Variants in CHL1 observed in about 807,000 individuals in gnomAD.
CHL1 encodes the protein cell adhesion molecule L1 like.
Under a neutral mutation model 141.9 loss-of-function variants are expected in CHL1, and 96 were observed. The observed-to-expected ratio is 0.68, with a 90% CI of 0.57 to 0.80. CHL1 has a LOEUF of 0.80. CHL1 is among the 30% of genes least tolerant of loss of function. The pLI is 0.00. For synonymous variants in CHL1, 613 were observed against 502.2 expected (o/e 1.22, Z -2.95); for missense variants, 1,820 against 1,457.2 (o/e 1.25, Z -4.05).
At chr3:355,650 G>C (rs34177368) in intron 11 of CHL1, among the ~76,000 whole-genome samples, 46,988 of 152,104 alleles carry the variant, frequency 0.31, 8,373 homozygotes, top group South Asian at 0.45. Flanking sequence ...AACAGACCTC[G>C]GGTCCCGTCT....
rs1006928771 is a variant in CHL1, at chr3:405,380, T to C, written c.3459-115T>C. On this transcript the variant is annotated intron_variant, in intron 27 of 27. Transcript: ENST00000256509. ...TGTGGGCTTTACTATCTGTCTTCAA[T>C]GCTAACACAAATGTCCTGAAAATTA... The C allele has an allele frequency of 2.0e-5, 14 of 686,444 alleles. No homozygotes were observed. The African/African-American group carries it at 2.5e-4, about 12-fold the overall frequency. 42.5% of individuals were successfully genotyped at this position (686,444 alleles called of 1,614,324 possible).
intron 2 of CHL1, among the ~76,000 whole-genome samples, chr3:269,562 G>A (rs1028942967): frequency 6.6e-6 from 1 of 152,080 alleles, no homozygotes; most frequent in Non-Finnish European, 1.5e-5. Flanking sequence ...TTCTGCTCTT[G>A]TGGCCCAGGC....
intron 1 of CHL1, among the ~76,000 whole-genome samples, chr3:216,075 AC>A (rs2124939975): frequency 6.6e-6 from 1 of 152,324 alleles, no homozygotes; most frequent in African/African-American, 2.4e-5. Context: ...TGTGATACAA[AC>A]CTGGCTGCCA....
chr3:333,078 A>G (rs901267854), intron 5 of CHL1, among the ~76,000 whole-genome samples: 14 of 145,540 alleles, frequency 9.6e-5, no homozygotes. Flanking sequence ...GTATTGTATT[A>G]AGAGCTGGGA....
intron 2 of CHL1, among the ~76,000 whole-genome samples, chr3:318,165 G>A (rs960976782): frequency 5.3e-5 from 8 of 151,768 alleles, no homozygotes; most frequent in African/African-American, 1.9e-4. Flanking sequence ...CAGTGTTGCT[G>A]TTCCTTAAGA....
At chr3:236,444 T>C (rs1275605217) in intron 1 of CHL1, among the ~76,000 whole-genome samples, 2 of 152,168 alleles carry the variant, frequency 1.3e-5, no homozygotes. Context: ...TGTGTCTTGG[T>C]TCTCCATGAT....
At chr3:340,742 TATAGTC>T (rs1702284896) in intron 5 of CHL1, 46 bp from the exon 6 acceptor site, 3 of 1,411,802 alleles carry the variant, frequency 2.1e-6, no homozygotes, top group Admixed American at 3.8e-5. Flanking sequence ...TATTTGTTGT[TATAGTC>T]AAAGTTAATT....
intron 11 of CHL1, among the ~76,000 whole-genome samples, chr3:356,142 A>G (rs1703696445): frequency 6.6e-6 from 1 of 152,146 alleles, no homozygotes; most frequent in Non-Finnish European, 1.5e-5. Flanking sequence ...TTTTCTCTTC[A>G]TCTCTTTAGG....
chr3:317,521 C>T (rs1559244900), intron 2 of CHL1, among the ~76,000 whole-genome samples: 1 of 151,664 alleles, frequency 6.6e-6, no homozygotes, highest in Non-Finnish European at 1.5e-5. Context: ...TCATAAAACA[C>T]ATACATGAGA....
chr3:314,327 GTGTATATA>G (rs1264714320), intron 2 of CHL1, among the ~76,000 whole-genome samples: 17 of 57,030 alleles, frequency 3.0e-4, no homozygotes, highest in African/African-American at 8.9e-4. Flanking sequence ...CTCTCTCTAT[GTGTATATA>G]TATATATATA....
At chr3:317,943 A>T (rs1700271580) in intron 2 of CHL1, among the ~76,000 whole-genome samples, 1 of 151,944 alleles carries the variant, frequency 6.6e-6, no homozygotes, top group Non-Finnish European at 1.5e-5. Context: ...GTTAAATTAC[A>T]AGTATAAGTT....
At chr3:276,620 T>G (rs1269360185) in intron 2 of CHL1, among the ~76,000 whole-genome samples, 2 of 151,672 alleles carry the variant, frequency 1.3e-5, no homozygotes, top group Non-Finnish European at 2.9e-5. Context: ...CTGGGCACGG[T>G]GGCTCACACC....
chr3:318,254 G>T (rs758146623), intron 2 of CHL1, among the ~76,000 whole-genome samples: 4 of 151,788 alleles, frequency 2.6e-5, no homozygotes, highest in Admixed American at 6.6e-5. Context: ...AAAGATACAG[G>T]TCTATAATAT....
At chr3:369,132 G>T (rs547265069) in intron 15 of CHL1, among the ~76,000 whole-genome samples, 1 of 152,040 alleles carries the variant, frequency 6.6e-6, no homozygotes, top group African/African-American at 2.4e-5. Flanking sequence ...ATTCTGTGTA[G>T]AATGTCAATG....
At chr3:301,894 T>C (rs975480930) in intron 2 of CHL1, among the ~76,000 whole-genome samples, 4 of 152,146 alleles carry the variant, frequency 2.6e-5, no homozygotes, top group Admixed American at 2.6e-4. Context: ...ATGGTATCCC[T>C]CCCCAGCACC....
intron 1 of CHL1, among the ~76,000 whole-genome samples, chr3:240,683 G>T (rs1209883061): frequency 6.6e-6 from 1 of 152,168 alleles, no homozygotes; most frequent in Non-Finnish European, 1.5e-5. Context: ...CCAATGTCTA[G>T]AAGAGTTTTT....
chr3:323,641 T>G (rs1445433783), intron 3 of CHL1, among the ~76,000 whole-genome samples: 1 of 152,154 alleles, frequency 6.6e-6, no homozygotes, highest in Non-Finnish European at 1.5e-5. Context: ...CGGCTGGATT[T>G]TCTTTATATC....
intron 9 of CHL1, among the ~76,000 whole-genome samples, chr3:346,856 A>G (rs1166735686): frequency 2.0e-5 from 3 of 152,136 alleles, no homozygotes; most frequent in African/African-American, 7.2e-5. Context: ...TAATTAAAGT[A>G]TTGTACTATT....
chr3:268,076 A>G (rs1695308639), intron 2 of CHL1, among the ~76,000 whole-genome samples: 1 of 152,196 alleles, frequency 6.6e-6, no homozygotes, highest in Admixed American at 6.5e-5. Context: ...TCTTGCTTCA[A>G]ATGTGTTTTG....
Sources: allele counts gnomAD v4.1 joint callset (sites outside exome capture counted in the v4.1 genomes callset), GRCh38; gene constraint gnomAD v4.1.1; transcripts MANE v1.5; gene names NCBI Gene and HGNC (gene_info 2026-07-23, HGNC 2026-07-21).